Variants in PPP1R7 observed in about 807,000 individuals in gnomAD.
PPP1R7 encodes protein phosphatase 1 regulatory subunit 7.
Under a neutral mutation model 45.2 loss-of-function variants are expected in PPP1R7, and 18 were observed. That is an observed-to-expected ratio of 0.40 (90% CI 0.28 to 0.59). The LOEUF is 0.59. PPP1R7 is among the 20% of genes least tolerant of loss of function. The pLI, the probability that PPP1R7 is intolerant of heterozygous loss-of-function variation, is 0.46. For missense variants in PPP1R7, 314 were observed against 455.8 expected (o/e 0.69, Z 2.83); for synonymous variants, 181 against 183.4 (o/e 0.99, Z 0.11).
At chr2:241,179,794 T>A (rs2067969515) in intron 9 of PPP1R7, among the ~76,000 whole-genome samples, 1 of 152,232 alleles carries the variant, frequency 6.6e-6, no homozygotes, top group South Asian at 2.1e-4. Flanking sequence ...TACAAGTGAA[T>A]GTTTTTAGTT....
chr2:241,183,621 C>A lies in PPP1R7; in HGVS notation c.*798C>A. 1 of 306,906 alleles carries A rather than the reference C, an allele frequency of 3.3e-6. No homozygotes were observed. Among genetic ancestry groups the A allele is most frequent in the South Asian group, 2.5e-5 (1 of 39,414 alleles). The allele number at this position is 306,906 out of a possible 1,614,324, so 19.0% of individuals were successfully genotyped here. A position where few individuals can be genotyped will look rare whatever the true frequency, so the allele number is the denominator to read the frequency against. Reference sequence around the variant, plus strand: ...TGTTCTCACCCCATTGTTATTTTGGCTTTTTTAATATAAAATGTACATTGA... The same window carrying A: ...TGTTCTCACCCCATTGTTATTTTGGATTTTTTAATATAAAATGTACATTGA... On this transcript the variant is annotated 3_prime_UTR_variant, in exon 10 of 10. Coordinates refer to ENST00000234038, the MANE Select transcript of PPP1R7 (RefSeq NM_002712.3).
chr2:241,156,222 T>C (rs2067453547), intron 2 of PPP1R7, among the ~76,000 whole-genome samples: 1 of 152,218 alleles, frequency 6.6e-6, no homozygotes, highest in South Asian at 2.1e-4. Context: ...GTAACAGCAC[T>C]GACAGCCCTG....
chr2:241,163,206 GC>G, intron 6 of PPP1R7, 78 bp from the exon 7 acceptor site: 2 of 871,478 alleles, frequency 2.3e-6, no homozygotes. Flanking sequence ...ACATAGCTCT[GC>G]CCCGGTCCAG....
At chr2:241,166,237 T>G (rs2067706506) in intron 7 of PPP1R7, 100 bp from the exon 8 acceptor site, 2 of 1,005,042 alleles carry the variant, frequency 2.0e-6, no homozygotes, top group African/African-American at 1.6e-5. Flanking sequence ...TTCTCTGTTC[T>G]TAGAATTCTT....
chr2:241,182,968 G>A lies in PPP1R7; in HGVS notation c.*145G>A, dbSNP rs1357310713. 11 of 881,590 alleles carry A rather than the reference G, an allele frequency of 1.2e-5. No homozygotes were observed. Among genetic ancestry groups the A allele is most frequent in the East Asian group, 2.7e-5 (1 of 37,320 alleles). The allele number at this position is 881,590 out of a possible 1,614,324, so 54.6% of individuals were successfully genotyped here. On this transcript the variant is annotated 3_prime_UTR_variant, in exon 10 of 10. Transcript: ENST00000234038. ...TAAAGGCACTGACGATAGCTGGCGC[G>A]CGCGACGTCACACACCATTTTCAGA...
intron 9 of PPP1R7, among the ~76,000 whole-genome samples, chr2:241,170,219 C>G (rs1189665817): frequency 6.6e-6 from 1 of 152,232 alleles, no homozygotes; most frequent in Non-Finnish European, 1.5e-5. Context: ...GTAGAACCTA[C>G]AATTGTCATT....
chr2:241,159,364 G>T, intron 5 of PPP1R7, 21 bp downstream of exon 5: 1 of 1,610,262 alleles, frequency 6.2e-7, no homozygotes, highest in South Asian at 1.1e-5. Flanking sequence ...AGACCCACAG[G>T]AGAACAGCAT....
intron 6 of PPP1R7, among the ~76,000 whole-genome samples, chr2:241,162,706 G>T (rs1328224856): frequency 6.9e-6 from 1 of 144,188 alleles, no homozygotes; most frequent in Non-Finnish European, 1.5e-5. Context: ...TTTTTGAGAC[G>T]GAGTCTCGTG....
chr2:241,172,911 C>A (rs1673181253), intron 9 of PPP1R7, among the ~76,000 whole-genome samples: 1 of 151,610 alleles, frequency 6.6e-6, no homozygotes, highest in Admixed American at 6.6e-5. Context: ...TTTTTAAGTA[C>A]ATTAAATACT....
At chr2:241,149,681 G>C (rs760328835), upstream of PPP1R7, 50 of 1,548,634 alleles carry the variant, frequency 3.2e-5, 1 homozygote, top group South Asian at 5.4e-4. Flanking sequence ...GGCAGATGCG[G>C]TTTCCTCCCG....
At chr2:241,182,546 C>T (rs2068022922) in intron 9 of PPP1R7, 101 bp from the exon 10 acceptor site, 1 of 1,451,598 alleles carries the variant, frequency 6.9e-7, no homozygotes, top group African/African-American at 1.4e-5. Context: ...ACCTGCTCGC[C>T]ATCTTCTGAG....
chr2:241,150,703 G>A (rs1464257145), intron 1 of PPP1R7, among the ~76,000 whole-genome samples, 156 bp downstream of exon 1: 28 of 152,106 alleles, frequency 1.8e-4, no homozygotes, highest in Admixed American at 1.8e-3. Flanking sequence ...GGGAGCGGGG[G>A]AGGCGCTGGA....
chr2:241,157,653 T>G (rs1661324142), intron 2 of PPP1R7, among the ~76,000 whole-genome samples, 154 bp from the exon 3 acceptor site: 1 of 152,240 alleles, frequency 6.6e-6, no homozygotes, highest in African/African-American at 2.4e-5. Flanking sequence ...TGCCACATTC[T>G]CCAGGTCCTC....
At chr2:241,164,688 C>T (rs894974532) in intron 7 of PPP1R7, among the ~76,000 whole-genome samples, 1 of 152,088 alleles carries the variant, frequency 6.6e-6, no homozygotes, top group East Asian at 1.9e-4. Flanking sequence ...CGCTTGAGCC[C>T]AGGAGTTCAA....
At chr2:241,151,809 C>A (rs962619784) in intron 1 of PPP1R7, among the ~76,000 whole-genome samples, 1 of 152,194 alleles carries the variant, frequency 6.6e-6, no homozygotes, top group Non-Finnish European at 1.5e-5. Flanking sequence ...ATCTCCGATA[C>A]GTCCTCCATT....
At chr2:241,154,821 A>G (rs766077508) in intron 2 of PPP1R7, among the ~76,000 whole-genome samples, 9 of 152,274 alleles carry the variant, frequency 5.9e-5, no homozygotes, top group Non-Finnish European at 1.3e-4. Context: ...GGATCTATAC[A>G]TTTTGTGTTT....
chr2:241,154,646 A>T (rs1271636473), intron 2 of PPP1R7, among the ~76,000 whole-genome samples: 1 of 152,246 alleles, frequency 6.6e-6, no homozygotes, highest in Non-Finnish European at 1.5e-5. Flanking sequence ...CAGAGGTTGC[A>T]GTAAGCTGAG....
At chr2:241,151,411 A>G (rs1046528327) in intron 1 of PPP1R7, 2 of 469,856 alleles carry the variant, frequency 4.3e-6, no homozygotes, top group Admixed American at 2.4e-5. Flanking sequence ...AAGGCCTGAC[A>G]TGTTAGGGAG....
intron 9 of PPP1R7, among the ~76,000 whole-genome samples, chr2:241,173,284 A>AAG (rs2067851689): frequency 7.9e-6 from 1 of 126,974 alleles, no homozygotes; most frequent in East Asian, 2.0e-4. Context: ...AAAAAAAAAA[A>AAG]AAAAAAAAAG....
Sources: allele counts gnomAD v4.1 joint callset (sites outside exome capture counted in the v4.1 genomes callset), GRCh38; gene constraint gnomAD v4.1.1; transcripts MANE v1.5; gene names NCBI Gene and HGNC (gene_info 2026-07-23, HGNC 2026-07-21).